Variants in CDH4 observed in about 807,000 individuals in gnomAD.
The protein encoded by CDH4 is cadherin 4, also known as cadherin-4.
CDH4 carries 33 observed loss-of-function variants against 86.0 expected under a neutral mutation model. The observed-to-expected ratio is 0.38, with a 90% CI of 0.29 to 0.51. The LOEUF (loss-of-function observed/expected upper bound fraction) is 0.51. Ranked by LOEUF, CDH4 falls within the 20% of genes least tolerant of loss-of-function variation. The pLI is 0.86. For synonymous variants in CDH4, 555 were observed against 549.4 expected, an observed-to-expected ratio of 1.01 and a Z score of -0.14; for missense variants, 1,114 against 1,307.4, an observed-to-expected ratio of 0.85 and a Z score of 2.28.
At chr20:61,611,358 C>T (rs1200958544) in intron 2 of CDH4, among the ~76,000 whole-genome samples, 2 of 152,092 alleles carry the variant, frequency 1.3e-5, no homozygotes, top group Non-Finnish European at 2.9e-5. Flanking sequence ...ACGCTCCTAA[C>T]ACTTGTGAAA....
intron 2 of CDH4, among the ~76,000 whole-genome samples, chr20:61,311,495 A>G (rs2084445455): frequency 6.6e-6 from 1 of 152,258 alleles, no homozygotes; most frequent in Non-Finnish European, 1.5e-5. Flanking sequence ...ACAAAACAGC[A>G]AAATTACAGA....
rs1393619432 is a variant in CDH4 at position 61,743,579 on chromosome 20, T to C, written c.186T>C (p.Cys62=). The change falls in exon 3 of 16, where the codon TGT becomes TGC. Residue 62 remains cysteine (C), a synonymous_variant. Transcript: ENST00000614565. ...EKLLQVKFSS[C]VGTKGTQYET... Reference sequence around the variant, plus strand: ...CTCTTGCAGTCAAGTTCAGCAGCTGTGTGGGGACCAAGGGGACACAATATG... The same window carrying C: ...CTCTTGCAGTCAAGTTCAGCAGCTGCGTGGGGACCAAGGGGACACAATATG... 20 of 1,566,760 alleles carry C rather than the reference T, an allele frequency of 1.3e-5. No individual in the cohort carries two copies. In the East Asian group the frequency reaches 4.7e-4, roughly 37 times the overall value.
At chr20:61,790,869 G>A (rs996418967) in intron 4 of CDH4, among the ~76,000 whole-genome samples, 4 of 144,974 alleles carry the variant, frequency 2.8e-5, no homozygotes, top group Non-Finnish European at 6.0e-5. Context: ...TCATCCATCC[G>A]TATATCCATC....
At chr20:61,282,550 T>TGC (rs1449161677) in intron 2 of CDH4, among the ~76,000 whole-genome samples, 8 of 95,264 alleles carry the variant, frequency 8.4e-5, no homozygotes, top group Non-Finnish European at 1.8e-4. Context: ...TGTGTGCATG[T>TGC]GTGTGTGTGT....
intron 2 of CDH4, among the ~76,000 whole-genome samples, chr20:61,390,400 A>G (rs1315601503): frequency 3.3e-5 from 4 of 119,542 alleles, no homozygotes; most frequent in South Asian, 2.8e-4. Flanking sequence ...GTGTCTGGGA[A>G]ACCCCGATTG....
intron 2 of CDH4, among the ~76,000 whole-genome samples, chr20:61,445,599 A>T (rs1481228714): frequency 6.6e-6 from 1 of 151,262 alleles, no homozygotes; most frequent in Non-Finnish European, 1.5e-5. Flanking sequence ...TTCTTCCAAC[A>T]GGTCAGCAGG....
intron 2 of CDH4, among the ~76,000 whole-genome samples, chr20:61,538,065 C>G (rs1159608616): frequency 6.6e-6 from 1 of 152,190 alleles, no homozygotes; most frequent in Admixed American, 6.5e-5. Flanking sequence ...TGTACAAAGC[C>G]AGGCCCCCGG....
chr20:61,315,453 A>C (rs1283680138), intron 2 of CDH4, among the ~76,000 whole-genome samples: 1 of 152,076 alleles, frequency 6.6e-6, no homozygotes, highest in Admixed American at 6.5e-5. Flanking sequence ...CCTCAGACAG[A>C]TTTTCAGCTG....
chr20:61,673,604 G>A (rs1190969981), intron 2 of CDH4, among the ~76,000 whole-genome samples: 1 of 152,208 alleles, frequency 6.6e-6, no homozygotes, highest in African/African-American at 2.4e-5. Context: ...GGGCCCAGAA[G>A]GCCGCCCGTT....
intron 2 of CDH4, among the ~76,000 whole-genome samples, chr20:61,571,068 A>T (rs1250620663): frequency 6.6e-6 from 1 of 152,148 alleles, no homozygotes; most frequent in Non-Finnish European, 1.5e-5. Context: ...AGGCCTGTGC[A>T]AGGTGGTGGG....
intron 6 of CDH4, among the ~76,000 whole-genome samples, chr20:61,858,139 G>A (rs1344899858): frequency 6.7e-6 from 1 of 150,168 alleles, no homozygotes; most frequent in African/African-American, 2.5e-5. Flanking sequence ...GTCTGCATCT[G>A]TGTGTGTGTC....
Position 61,836,368 on chromosome 20 carries a change from C to G in CDH4, c.577-8300C>G, listed in dbSNP as rs191970309. Among the ~76,000 whole-genome samples, 468 of 152,316 alleles carry G rather than the reference C, an allele frequency of 3.1e-3. 4 individuals are homozygous for G. The highest frequency in any genetic ancestry group is 0.01 in the African/African-American group (418 of 41,572). ...TGAGAAGGAGCTAATTCACTATTCC[C>G]CACCGGGCAGATCTGTGAGAACATA... On this transcript the variant is annotated intron_variant, in intron 4 of 15. Coordinates refer to ENST00000614565, the MANE Select transcript of CDH4 (RefSeq NM_001794.5).
intron 6 of CDH4, among the ~76,000 whole-genome samples, chr20:61,871,704 G>A (rs890741886): frequency 2.6e-5 from 4 of 152,162 alleles, no homozygotes; most frequent in Middle Eastern, 3.2e-3. Flanking sequence ...AAGGATCATC[G>A]GGGTGGGGTC....
At chr20:61,581,439 G>A (rs2086427781) in intron 2 of CDH4, among the ~76,000 whole-genome samples, 1 of 152,158 alleles carries the variant, frequency 6.6e-6, no homozygotes, top group Non-Finnish European at 1.5e-5. Flanking sequence ...TTCTGGAGAC[G>A]TGTTCCTGGG....
intron 6 of CDH4, among the ~76,000 whole-genome samples, chr20:61,869,081 TAA>T (rs1055017746): frequency 1.3e-5 from 2 of 152,262 alleles, no homozygotes; most frequent in African/African-American, 4.8e-5. Context: ...ATTCTGAGAC[TAA>T]GTCTTTCCTA....
At chr20:61,715,192 T>C (rs551545014) in intron 2 of CDH4, among the ~76,000 whole-genome samples, 22 of 152,342 alleles carry the variant, frequency 1.4e-4, no homozygotes, top group Middle Eastern at 3.4e-3. Flanking sequence ...TATGTGTTGG[T>C]CATTTGTATA....
chr20:61,255,828 G>T (rs1193740185), intron 2 of CDH4, among the ~76,000 whole-genome samples: 1 of 152,156 alleles, frequency 6.6e-6, no homozygotes, highest in African/African-American at 2.4e-5. Flanking sequence ...ACTCGCTCAC[G>T]CTTATAGTGA....
chr20:61,697,977 G>C (rs946101321), intron 2 of CDH4, among the ~76,000 whole-genome samples: 2 of 152,256 alleles, frequency 1.3e-5, no homozygotes, highest in Non-Finnish European at 2.9e-5. Context: ...GATGGAGCCA[G>C]GAGAAGAGGG....
intron 3 of CDH4, among the ~76,000 whole-genome samples, chr20:61,757,042 G>A (rs896728671): frequency 1.3e-5 from 2 of 152,200 alleles, no homozygotes; most frequent in African/African-American, 4.8e-5. Flanking sequence ...TGTAGACAAC[G>A]TGTCCACCTC....
Sources: gnomAD v4.1 joint callset for allele counts (sites outside exome capture counted in the v4.1 genomes callset) on GRCh38, gnomAD v4.1.1 for gene constraint, MANE v1.5 for transcripts, NCBI Gene and HGNC (gene_info 2026-07-23, HGNC 2026-07-21) for gene names.